The following ZNF670 variants were observed in gnomAD, a reference collection of about 807,000 sequenced individuals.
ZNF670 encodes the protein zinc finger protein 670.
Under a neutral mutation model 10.9 loss-of-function variants are expected in ZNF670, and 7 were observed. The ratio of observed to expected loss-of-function variants is 0.64; its 90% CI spans 0.36 to 1.20. The LOEUF (loss-of-function observed/expected upper bound fraction) is 1.20. Ranked by LOEUF, ZNF670 falls within the 50% of genes most tolerant of loss-of-function variation. ZNF670 has a pLI of 0.02. For missense variants in ZNF670, 446 were observed against 458.6 expected (o/e 0.97, Z 0.25); for synonymous variants, 136 against 152.7 (o/e 0.89, Z 0.81).
intron 1 of ZNF670, among the ~76,000 whole-genome samples, chr1:247,051,090 C>T (rs1343302239): frequency 6.6e-6 from 1 of 151,418 alleles, no homozygotes; most frequent in East Asian, 2.0e-4. Flanking sequence ...GGGTGGATCA[C>T]GAGGTCAGGA....
chr1:247,077,537 T>C (rs1474624327), intron 1 of ZNF670, among the ~76,000 whole-genome samples: 1 of 152,238 alleles, frequency 6.6e-6, no homozygotes, highest in Non-Finnish European at 1.5e-5. Context: ...AGGTGATTAT[T>C]TTCTGCTTTC....
intron 1 of ZNF670, among the ~76,000 whole-genome samples, chr1:247,050,114 T>A (rs907552130): frequency 6.6e-6 from 1 of 152,236 alleles, no homozygotes; most frequent in African/African-American, 2.4e-5. Flanking sequence ...GTGCTGTCAG[T>A]GGAGTATTGA....
At chr1:247,063,322 C>A (rs1400021251) in intron 1 of ZNF670, among the ~76,000 whole-genome samples, 1 of 152,008 alleles carries the variant, frequency 6.6e-6, no homozygotes. Flanking sequence ...GCCTGTAATC[C>A]CAGCACTTTG....
At chr1:247,067,583 C>A (rs1671014661) in intron 1 of ZNF670, among the ~76,000 whole-genome samples, 1 of 151,368 alleles carries the variant, frequency 6.6e-6, no homozygotes, top group African/African-American at 2.4e-5. Context: ...TGGCTCACGC[C>A]TGTAATCCCA....
At chr1:247,074,642 T>C (rs1671212460) in intron 1 of ZNF670, among the ~76,000 whole-genome samples, 1 of 152,162 alleles carries the variant, frequency 6.6e-6, no homozygotes, top group Non-Finnish European at 1.5e-5. Flanking sequence ...GGGACCACAC[T>C]GTTCTACCTC....
rs145724521 is a variant in ZNF670, at chr1:247,042,031, T to G, written c.4-2494A>C. 4.7e-3 allele frequency among the ~76,000 whole-genome samples: 718 copies of G among 152,362 alleles called. 10 individuals are homozygous for G. The highest frequency in any genetic ancestry group is 4.3e-3 in the Non-Finnish European group (292 of 68,036). On this transcript the variant is annotated intron_variant, in intron 1 of 3. Transcript: ENST00000366503. ...TAGGAGGCCCAGTTAAGAATCTTAA[T>G]TATAATTTCCAAGTTGCTTCAACTA...
At chr1:247,071,459 T>G (rs759385890) in intron 1 of ZNF670, among the ~76,000 whole-genome samples, 22 of 152,210 alleles carry the variant, frequency 1.4e-4, no homozygotes, top group Non-Finnish European at 2.8e-4. Context: ...TAAACACTGG[T>G]CATACTTGAA....
chr1:247,072,321 T>C (rs1376196014), intron 1 of ZNF670, among the ~76,000 whole-genome samples: 2 of 150,746 alleles, frequency 1.3e-5, no homozygotes, highest in Non-Finnish European at 3.0e-5. Context: ...TGGTTTTGTT[T>C]TTTTTTTTTT....
chr1:247,051,237 G>C (rs1409507243), intron 1 of ZNF670, among the ~76,000 whole-genome samples: 2 of 150,162 alleles, frequency 1.3e-5, no homozygotes, highest in Admixed American at 1.3e-4. Flanking sequence ...CTGGGCGACA[G>C]AGCGAGACTC....
intron 1 of ZNF670, among the ~76,000 whole-genome samples, chr1:247,054,927 C>T (rs1046050390): frequency 1.3e-5 from 2 of 151,958 alleles, no homozygotes; most frequent in African/African-American, 4.8e-5. Context: ...GTAAATCATA[C>T]CAAGGGAGGA....
At chr1:247,078,213 C>A (rs1238381923) in intron 1 of ZNF670, among the ~76,000 whole-genome samples, 2 of 152,186 alleles carry the variant, frequency 1.3e-5, no homozygotes, top group Non-Finnish European at 2.9e-5. Context: ...TTTAACGGCG[C>A]CTCAGTTTTC....
chr1:247,051,782 A>ATTTTTTTTTTT (rs58493948), intron 1 of ZNF670, among the ~76,000 whole-genome samples: 1 of 138,216 alleles, frequency 7.2e-6, no homozygotes. Flanking sequence ...TTCTTTTTTC[A>ATTTTTTTTTTT]TTTTTTTTTT....
chr1:247,050,286 CT>C (rs1670560276), intron 1 of ZNF670, among the ~76,000 whole-genome samples: 1 of 152,278 alleles, frequency 6.6e-6, no homozygotes, highest in Admixed American at 6.5e-5. Context: ...TCCTCTTTCT[CT>C]TTGTTAATTG....
rs1670218107 is a variant in ZNF670, at chr1:247,038,362, T to A, written c.257A>T (p.Gln86Leu). ...CTTATTCAGATTCAAATTTGAATCC[T>A]GGCTGAAGGTTTCTCCATATTGACT... ...EGSQYGETFS[Q>L]DSNLNLNKKV... Residue 86 changes from glutamine (Q) to leucine (L), a missense_variant, in exon 4 of 4, where the codon CAG becomes CTG. Physicochemically the swap from Gln to Leu is moderately radical, Grantham distance 113. Coordinates refer to ENST00000366503, the MANE Select transcript of ZNF670 (RefSeq NM_033213.5). 5 of 1,613,954 alleles carry A rather than the reference T, an allele frequency of 3.1e-6. No individual in the cohort carries two copies. In the South Asian group the frequency reaches 3.3e-5, roughly 11 times the overall value.
chr1:247,072,798 G>GTATATA (rs1491144904), intron 1 of ZNF670, among the ~76,000 whole-genome samples: 540 of 18,640 alleles, frequency 0.029, 6 homozygotes, highest in Middle Eastern at 0.059. Flanking sequence ...AAAAAAAAAA[G>GTATATA]TGTGTGTATA....
At chr1:247,055,364 T>C (rs530548915) in intron 1 of ZNF670, among the ~76,000 whole-genome samples, 5 of 152,252 alleles carry the variant, frequency 3.3e-5, no homozygotes, top group Non-Finnish European at 5.9e-5. Context: ...CTTCAACTCC[T>C]GATTGGTCCC....
chr1:247,053,344 A>G (rs1028259306), intron 1 of ZNF670, among the ~76,000 whole-genome samples: 5 of 152,128 alleles, frequency 3.3e-5, no homozygotes, highest in Non-Finnish European at 7.4e-5. Flanking sequence ...AAATTATTAT[A>G]AAGTTCAGGC....
chr1:247,059,848 A>G (rs1670816829), intron 1 of ZNF670, among the ~76,000 whole-genome samples: 1 of 152,198 alleles, frequency 6.6e-6, no homozygotes, highest in South Asian at 2.1e-4. Flanking sequence ...AAAGCCAATT[A>G]TTTTTCTGTA....
chr1:247,036,108 G>A lies in ZNF670; in HGVS notation c.*1341C>T, dbSNP rs1670143529. Among the ~76,000 whole-genome samples, 1 of 152,108 alleles carries A rather than the reference G, an allele frequency of 6.6e-6. No homozygotes were observed. On this transcript the variant is annotated 3_prime_UTR_variant, in exon 4 of 4. Coordinates refer to ENST00000366503, the MANE Select transcript of ZNF670 (RefSeq NM_033213.5). ...ATAATATATTTATATCTGAAAGCCA[G>A]TTAACGTAATAGACTATCAGTAGAA...
Sources: allele counts gnomAD v4.1 joint callset (sites outside exome capture counted in the v4.1 genomes callset), GRCh38; gene constraint gnomAD v4.1.1; transcripts MANE v1.5; gene names NCBI Gene and HGNC (gene_info 2026-07-23, HGNC 2026-07-21).